The following EPHA6 variants were observed in gnomAD, a reference collection of about 807,000 sequenced individuals.
The protein encoded by EPHA6 is EPH receptor A6.
In EPHA6, 50 loss-of-function variants were observed where a neutral mutation model predicts 112.0. The observed-to-expected ratio is 0.45, with a 90% CI of 0.36 to 0.56. The LOEUF (loss-of-function observed/expected upper bound fraction) is 0.56, where lower values mean the gene tolerates loss of function less well. Ranked by LOEUF, EPHA6 falls within the 20% of genes least tolerant of loss-of-function variation. The pLI is 0.00. For missense variants in EPHA6, 1,280 were observed against 1,417.4 expected (o/e 0.90, Z 1.56); for synonymous variants, 529 against 490.7 (o/e 1.08, Z -1.03).
chr3:96,907,933 C>T (rs2039020144), intron 2 of EPHA6, among the ~76,000 whole-genome samples: 1 of 151,808 alleles, frequency 6.6e-6, no homozygotes, highest in South Asian at 2.1e-4. Flanking sequence ...AGAAATTTAT[C>T]GTTAGCAATT....
intron 3 of EPHA6, among the ~76,000 whole-genome samples, chr3:97,151,360 G>A (rs1414385521): frequency 6.6e-6 from 1 of 151,956 alleles, no homozygotes; most frequent in Non-Finnish European, 1.5e-5. Flanking sequence ...CCAAACAATG[G>A]CAATTTGAGG....
At chr3:97,087,978 T>C (rs2046952780) in intron 3 of EPHA6, among the ~76,000 whole-genome samples, 1 of 151,976 alleles carries the variant, frequency 6.6e-6, no homozygotes, top group African/African-American at 2.4e-5. Flanking sequence ...TGTCAAGAGA[T>C]CGAGACCATC....
chr3:97,290,537 CCCATGTGGGGAGA>C, intron 5 of EPHA6, among the ~76,000 whole-genome samples: 1 of 152,220 alleles, frequency 6.6e-6, no homozygotes, highest in South Asian at 2.1e-4. Context: ...GGTATTGAAA[CCCATGTGGGGAGA>C]CTTTTTATAA....
At chr3:97,269,325 T>C (rs775574317) in intron 5 of EPHA6, among the ~76,000 whole-genome samples, 4 of 152,212 alleles carry the variant, frequency 2.6e-5, no homozygotes, top group Non-Finnish European at 5.9e-5. Context: ...TGTCAATTAC[T>C]CCAGGTATCC....
intron 2 of EPHA6, among the ~76,000 whole-genome samples, chr3:96,958,033 G>A (rs1479519850): frequency 6.6e-6 from 1 of 152,138 alleles, no homozygotes; most frequent in African/African-American, 2.4e-5. Flanking sequence ...TTCCAAAAAC[G>A]TGACTCAACT....
chr3:97,709,448 T>C (rs568608218), intron 14 of EPHA6, among the ~76,000 whole-genome samples: 2 of 152,388 alleles, frequency 1.3e-5, no homozygotes, highest in African/African-American at 2.4e-5. Context: ...ACCTCCATTG[T>C]ATCTTGGAAG....
intron 5 of EPHA6, among the ~76,000 whole-genome samples, chr3:97,402,036 GT>G (rs1026949539): frequency 3.3e-5 from 5 of 151,876 alleles, no homozygotes; most frequent in African/African-American, 1.2e-4. Flanking sequence ...TATTATTTCA[GT>G]TTTTATAAAC....
chr3:97,216,881 T>C (rs182608989), intron 3 of EPHA6, among the ~76,000 whole-genome samples: 5 of 152,298 alleles, frequency 3.3e-5, no homozygotes, highest in Non-Finnish European at 7.4e-5. Context: ...CAATGAAATA[T>C]GAAGACAAAA....
At chr3:97,456,778 A>T (rs1296546516) in intron 7 of EPHA6, among the ~76,000 whole-genome samples, 2 of 152,066 alleles carry the variant, frequency 1.3e-5, no homozygotes, top group East Asian at 1.9e-4. Flanking sequence ...TTGATTTGAG[A>T]TGGATTTTTT....
intron 1 of EPHA6, among the ~76,000 whole-genome samples, chr3:96,834,845 G>A (rs1182172207): frequency 2.0e-5 from 3 of 151,808 alleles, no homozygotes; most frequent in South Asian, 2.1e-4. Flanking sequence ...ATTATCTATC[G>A]AATAGCAAAA....
chr3:97,225,970 G>A (rs1298610649), intron 3 of EPHA6, among the ~76,000 whole-genome samples: 3 of 152,228 alleles, frequency 2.0e-5, no homozygotes, highest in Non-Finnish European at 2.9e-5. Context: ...TCTTAGGTAA[G>A]CACTGATATT....
intron 13 of EPHA6, among the ~76,000 whole-genome samples, chr3:97,619,446 C>A (rs1330642050): frequency 1.6e-5 from 2 of 124,468 alleles, no homozygotes; most frequent in Non-Finnish European, 1.8e-5. Flanking sequence ...GGGGGGGGGG[C>A]ATCCAAATAG....
intron 10 of EPHA6, among the ~76,000 whole-genome samples, chr3:97,515,339 T>C (rs965496571): frequency 4.6e-5 from 7 of 152,180 alleles, no homozygotes; most frequent in African/African-American, 1.2e-4. Context: ...TGCTGGGTGT[T>C]TTATGTGCCT....
intron 1 of EPHA6, among the ~76,000 whole-genome samples, chr3:96,820,638 G>T (rs2033181751): frequency 6.6e-6 from 1 of 151,916 alleles, no homozygotes; most frequent in African/African-American, 2.4e-5. Context: ...ATGTAGCAAG[G>T]CTGAGATGTG....
At chr3:97,607,021 G>C (rs1325321388) in intron 12 of EPHA6, among the ~76,000 whole-genome samples, 1 of 150,894 alleles carries the variant, frequency 6.6e-6, no homozygotes, top group East Asian at 1.9e-4. Flanking sequence ...ATCTGTAATA[G>C]AGTTTTGAGG....
intron 14 of EPHA6, among the ~76,000 whole-genome samples, chr3:97,696,208 C>T (rs142086074): frequency 4.5e-4 from 69 of 152,316 alleles, no homozygotes; most frequent in Middle Eastern, 3.4e-3. Context: ...CTTGCCACTG[C>T]TTTCTAGCTA....
At chr3:97,624,779 G>C (rs1050199375) in intron 13 of EPHA6, among the ~76,000 whole-genome samples, 1 of 151,330 alleles carries the variant, frequency 6.6e-6, no homozygotes, top group Admixed American at 6.6e-5. Flanking sequence ...ATCTAGTCTT[G>C]ATAGGTTTTG....
intron 14 of EPHA6, among the ~76,000 whole-genome samples, chr3:97,668,034 C>A (rs372775920): frequency 1.3e-4 from 20 of 152,044 alleles, no homozygotes; most frequent in African/African-American, 4.6e-4. Flanking sequence ...AAATTTCTCC[C>A]TCAATTTGTG....
intron 7 of EPHA6, chr3:97,466,405 A>T: frequency 6.2e-7 from 1 of 1,607,438 alleles, no homozygotes; most frequent in Non-Finnish European, 8.5e-7. Context: ...CTCTTGGTTC[A>T]TTATATTCCA....
Sources: allele counts gnomAD v4.1 joint callset (sites outside exome capture counted in the v4.1 genomes callset), GRCh38; gene constraint gnomAD v4.1.1; transcripts MANE v1.5; gene names NCBI Gene and HGNC (gene_info 2026-07-23, HGNC 2026-07-21).